ZC3H12A: variants seen among roughly 807,000 people sequenced by gnomAD.
ZC3H12A encodes the protein zinc finger CCCH-type containing 12A.
A neutral mutation model predicts 29.9 loss-of-function variants in ZC3H12A; 9 were observed. The ratio of observed to expected loss-of-function variants is 0.30; its 90% CI spans 0.18 to 0.53. ZC3H12A has a LOEUF of 0.53. Among genes scored for constraint, ZC3H12A ranks in the 20% least tolerant of loss-of-function variants. The pLI is 0.96. For synonymous variants in ZC3H12A, 323 were observed against 338.1 expected (o/e 0.96, Z 0.49); for missense variants, 617 against 799.0 (o/e 0.77, Z 2.75).
Position 37,475,783 on chromosome 1 carries a change from G to C in ZC3H12A, c.287G>C (p.Arg96Pro), listed in dbSNP as rs770500354. ...CACGGGACAGCCACCGAGCGGGAGC[G>C]CCAGACCTCACCGGACCCCTGCCCT... Reference protein sequence around the residue: ...VKHGTATERERQTSPDPCPQL... With the variant: ...VKHGTATEREPQTSPDPCPQL... Residue 96 changes from arginine (R) to proline (P), a missense_variant, in exon 2 of 6, where the codon CGC (arginine) becomes CCC (proline). Coordinates refer to ENST00000373087, the MANE Select transcript of ZC3H12A (RefSeq NM_025079.3). The surrounding 1 kb of genome is among the most constrained non-coding windows in gnomAD (Gnocchi z 5.2). 5 of 1,613,226 alleles carry C rather than the reference G, an allele frequency of 3.1e-6. No individual in the cohort carries two copies. In the South Asian group the frequency reaches 5.5e-5, roughly 18 times the overall value.
At position 37,478,953 on chromosome 1, in the gene ZC3H12A, C is replaced by T. The variant is rs1464420513; in HGVS notation, c.444-1337C>T. On this transcript the variant is annotated intron_variant, in intron 2 of 5. Transcript: ENST00000373087. The surrounding 1 kb of genome is among the most constrained non-coding windows in gnomAD (Gnocchi z 5.2). Reference sequence around the variant, plus strand: ...ATTTAGAGACCTTCAGACCCTGGTGCCCCAGTCTTGCCCCCAAATAGCCTC... The same window carrying T: ...ATTTAGAGACCTTCAGACCCTGGTGTCCCAGTCTTGCCCCCAAATAGCCTC... 1 of 985,106 alleles carries T rather than the reference C, an allele frequency of 1.0e-6. No homozygotes were observed. Among genetic ancestry groups the T allele is most frequent in the African/African-American group, 1.7e-5 (1 of 57,158 alleles). The allele number at this position is 985,106 out of a possible 1,614,324, so 61.0% of individuals were successfully genotyped here. A position where few individuals can be genotyped will look rare whatever the true frequency, so the allele number is the denominator to read the frequency against.
At chr1:37,477,308 CAG>C (rs1355899163) in intron 2 of ZC3H12A, among the ~76,000 whole-genome samples, 1 of 152,144 alleles carries the variant, frequency 6.6e-6, no homozygotes, top group Non-Finnish European at 1.5e-5. Context: ...TGTTTGTATC[CAG>C]AAGGAGGAGG....
Position 37,483,592 on chromosome 1 carries a change from C to A in ZC3H12A, c.1781C>A (p.Ser594Tyr). Residue 594 changes from serine (S) to tyrosine (Y), a missense_variant, in exon 6 of 6, where the codon TCC becomes TAC. Ser to Tyr is a moderately radical substitution (Grantham distance 144, BLOSUM62 -2). Around this residue, in one of 5 missense-constraint regions of ZC3H12A, gnomAD observed 172 missense variants for 203.1 expected, o/e 0.85. Coordinates refer to ENST00000373087, the MANE Select transcript of ZC3H12A (RefSeq NM_025079.3). ...GCTGCCGAGATCCTCTCCTACAAGT[C>A]CCAGCACCCCAGTGAGTAAGCTGCC... ...QLAAEILSYK[S>Y]QHPSE 1.2e-6 allele frequency: 2 copies of A among 1,608,278 alleles called. No homozygotes were observed. Among genetic ancestry groups the A allele is most frequent in the Non-Finnish European group, 1.7e-6 (2 of 1,177,906 alleles).
At chr1:37,482,206 A>G in intron 4 of ZC3H12A, 1 of 591,156 alleles carries the variant, frequency 1.7e-6, no homozygotes, top group Non-Finnish European at 3.0e-6. Flanking sequence ...TCAGAGAGGG[A>G]GTTCCCCTAA....
chr1:37,480,447 A>AG lies in ZC3H12A; in HGVS notation c.583+20dup. On this transcript the variant is annotated intron_variant, in intron 3 of 5. Transcript: ENST00000373087. Reference sequence around the variant, plus strand: ...CATCACAGGTGAGTGGTGCCTCTGGAGGTGGGATGGTCTTACTGCCCCAGC... The same window carrying AG: ...CATCACAGGTGAGTGGTGCCTCTGGAGGGTGGGATGGTCTTACTGCCCCAGC... 6.2e-7 allele frequency: 1 copy of AG among 1,606,450 alleles called. No individual in the cohort carries two copies. The highest frequency in any genetic ancestry group is 8.5e-7 in the Non-Finnish European group (1 of 1,175,238).
intron 5 of ZC3H12A, 56 bp downstream of exon 5, chr1:37,482,596 C>A: frequency 6.2e-7 from 1 of 1,609,300 alleles, no homozygotes; most frequent in Non-Finnish European, 8.5e-7. Flanking sequence ...TTCCTCTCAC[C>A]TGTCTGCCTG....
intron 3 of ZC3H12A, among the ~76,000 whole-genome samples, chr1:37,480,791 C>T (rs1641685694): frequency 6.6e-6 from 1 of 152,124 alleles, no homozygotes; most frequent in Non-Finnish European, 1.5e-5. Context: ...CTGGCCTGGA[C>T]AGGGACCCCT....
rs940066307 is a variant in ZC3H12A at position 37,478,346 on chromosome 1, C to A, written c.444-1944C>A. ...TTCGCCACCTGTCTCTCATAACACACTTTGTTCAAACTCAATTTTGGGAGC... is the reference window on the plus strand; with the variant it reads ...TTCGCCACCTGTCTCTCATAACACAATTTGTTCAAACTCAATTTTGGGAGC... On this transcript the variant is annotated intron_variant, in intron 2 of 5. Transcript: ENST00000373087. The surrounding 1 kb of genome is among the most constrained non-coding windows in gnomAD (Gnocchi z 5.2). 1.3e-5 allele frequency among the ~76,000 whole-genome samples: 2 copies of A among 152,212 alleles called. No homozygotes were observed. Among genetic ancestry groups the A allele is most frequent in the Non-Finnish European group, 2.9e-5 (2 of 68,032 alleles).
At position 37,476,137 on chromosome 1, in the gene ZC3H12A, G is replaced by A. The variant is rs983340183; in HGVS notation, c.443+198G>A. Among the ~76,000 whole-genome samples the A allele has an allele frequency of 6.6e-5, 10 of 152,188 alleles. No homozygotes were observed. Among genetic ancestry groups the A allele is most frequent in the Non-Finnish European group, 1.3e-4 (9 of 68,040 alleles). On this transcript the variant is annotated intron_variant, in intron 2 of 5. Coordinates refer to ENST00000373087, the MANE Select transcript of ZC3H12A (RefSeq NM_025079.3). This position sits in a 1 kb window ranked among gnomAD's most constrained non-coding sequence, Gnocchi z 6.0. Reference sequence around the variant, plus strand: ...GGTAAGTGACAGAGGCAGGGTTCCAGCCCAGGTCCCTCTGTCCGCAGAGCT... The same window carrying A: ...GGTAAGTGACAGAGGCAGGGTTCCAACCCAGGTCCCTCTGTCCGCAGAGCT...
At position 37,475,056 on chromosome 1, in the gene ZC3H12A, G is replaced by A. The variant is rs2456803; in HGVS notation, c.-38-403G>A. 1 allele frequency among the ~76,000 whole-genome samples: 152,041 copies of A among 152,338 alleles called. 75,873 individuals carry two copies. Among genetic ancestry groups the A allele is most frequent in the Middle Eastern group, 1 (294 of 294 alleles). ...AGTGCCGGACGGGTGGGCGAAAGTGGTGGCCTCAGTGGGGAAGCCTTGGGC... is the reference window on the plus strand; with the variant it reads ...AGTGCCGGACGGGTGGGCGAAAGTGATGGCCTCAGTGGGGAAGCCTTGGGC... On this transcript the variant is annotated intron_variant, in intron 1 of 5. Coordinates refer to ENST00000373087, the MANE Select transcript of ZC3H12A (RefSeq NM_025079.3). This position sits in a 1 kb window ranked among gnomAD's most constrained non-coding sequence, Gnocchi z 5.2.
At position 37,475,534 on chromosome 1, in the gene ZC3H12A, C is replaced by G. The variant is rs143022543; in HGVS notation, c.38C>G (p.Ala13Gly). Residue 13 changes from alanine (A) to glycine (G), a missense_variant, in exon 2 of 6, where the codon GCC becomes GGC. Around this residue, in one of 5 missense-constraint regions of ZC3H12A, gnomAD observed 67 missense variants for 56.2 expected, o/e 1.19. Coordinates refer to ENST00000373087, the MANE Select transcript of ZC3H12A (RefSeq NM_025079.3). This position sits in a 1 kb window ranked among gnomAD's most constrained non-coding sequence, Gnocchi z 5.2. Reference protein sequence around the residue: ...GPCGEKPVLEASPTMSLWEFE... With the variant: ...GPCGEKPVLEGSPTMSLWEFE... ...TGTGGAGAGAAGCCTGTCCTGGAAG[C>G]CAGCCCCACCATGAGTCTGTGGGAA... 1.2e-4 allele frequency: 193 copies of G among 1,612,506 alleles called. 1 individual carries two copies. The African/African-American group carries it at 2.3e-3, about 19-fold the overall frequency.
chr1:37,478,211 C>G lies in ZC3H12A; in HGVS notation c.444-2079C>G, dbSNP rs1481567626. 1.3e-5 allele frequency among the ~76,000 whole-genome samples: 2 copies of G among 152,162 alleles called. No individual in the cohort carries two copies. Among genetic ancestry groups the G allele is most frequent in the Non-Finnish European group, 2.9e-5 (2 of 68,026 alleles). ...CACTGGGCATTGTGAAGACACAGAC[C>G]AGGGACCTGACCTATTGTGGCAGGT... is the stretch of plus-strand genomic sequence containing the variant. On this transcript the variant is annotated intron_variant, in intron 2 of 5. Coordinates refer to ENST00000373087, the MANE Select transcript of ZC3H12A (RefSeq NM_025079.3). This position sits in a 1 kb window ranked among gnomAD's most constrained non-coding sequence, Gnocchi z 5.2.
chr1:37,479,502 T>C lies in ZC3H12A; in HGVS notation c.444-788T>C, dbSNP rs1641656250. ...CCATGCCTTACTCAGCTGTCCTTGC[T>C]AAGAGTCCCCTAGCATCTTCCTGAT... On this transcript the variant is annotated intron_variant, in intron 2 of 5. Transcript: ENST00000373087. This position sits in a 1 kb window ranked among gnomAD's most constrained non-coding sequence, Gnocchi z 4.5. 1.0e-6 allele frequency: 1 copy of C among 985,428 alleles called. No individual in the cohort carries two copies. Among genetic ancestry groups the C allele is most frequent in the African/African-American group, 1.7e-5 (1 of 57,370 alleles). The allele number at this position is 985,428 out of a possible 1,614,324, so 61.0% of individuals were successfully genotyped here.
In ZC3H12A at chr1:37,479,092, C is replaced by G. The variant is rs551141069; in HGVS notation, c.444-1198C>G. Reference sequence around the variant, plus strand: ...CCCACAGGATGTGGTTGGCCCTGGACTTGCCTCTTTTGCGTAACATTTATT... The same window carrying G: ...CCCACAGGATGTGGTTGGCCCTGGAGTTGCCTCTTTTGCGTAACATTTATT... On this transcript the variant is annotated intron_variant, in intron 2 of 5. Transcript: ENST00000373087. This position sits in a 1 kb window ranked among gnomAD's most constrained non-coding sequence, Gnocchi z 4.5. 17 of 985,424 alleles carry G rather than the reference C, an allele frequency of 1.7e-5. No individual in the cohort carries two copies. In the East Asian group the frequency reaches 1.7e-3, roughly 99 times the overall value. The allele number at this position is 985,424 out of a possible 1,614,324, so 61.0% of individuals were successfully genotyped here.
In ZC3H12A at chr1:37,482,350, C is replaced by A. The variant is rs78346819; in HGVS notation, c.819-84C>A. 5.7e-4 allele frequency: 690 copies of A among 1,214,346 alleles called. 5 individuals carry two copies. The African/African-American group carries it at 8.4e-3, about 15-fold the overall frequency. 75.2% of individuals were successfully genotyped at this position (1,214,346 alleles called of 1,614,324 possible). A position where few individuals can be genotyped will look rare whatever the true frequency, so the allele number is the denominator to read the frequency against. On this transcript the variant is annotated intron_variant, in intron 4 of 5. Coordinates refer to ENST00000373087, the MANE Select transcript of ZC3H12A (RefSeq NM_025079.3). ...GGTGTCACTCTCCTATTCTTCCCAG[C>A]AAGGCTTGCCATCGGCCCCTTCTCA...
rs2148042561 is a variant in ZC3H12A at position 37,478,246 on chromosome 1, C to T, written c.444-2044C>T. On this transcript the variant is annotated intron_variant, in intron 2 of 5. Transcript: ENST00000373087. The surrounding 1 kb of genome is among the most constrained non-coding windows in gnomAD (Gnocchi z 5.2). ...ACCTATTGTGGCAGGTCAGGGAAGG[C>T]TTCTCAGAGGCAGTGACATCTCACA... Among the ~76,000 whole-genome samples, 1 of 152,326 alleles carries T rather than the reference C, an allele frequency of 6.6e-6. No homozygotes were observed. The highest frequency in any genetic ancestry group is 1.5e-5 in the Non-Finnish European group (1 of 68,016).
chr1:37,483,641 C>T lies in ZC3H12A; in HGVS notation c.*30C>T, dbSNP rs574631504. 12 of 1,555,792 alleles carry T rather than the reference C, an allele frequency of 7.7e-6. No individual in the cohort carries two copies. The highest frequency in any genetic ancestry group is 2.7e-5 in the African/African-American group (2 of 73,666). ...CCTGTGGCTGGCAAGGGCAGCACCC[C>T]CAGCCTCCAAGGGCCGTCAGGCTGG... On this transcript the variant is annotated 3_prime_UTR_variant, in exon 6 of 6. Transcript: ENST00000373087.
intron 2 of ZC3H12A, among the ~76,000 whole-genome samples, chr1:37,477,969 C>G (rs1375721654): frequency 2.6e-5 from 4 of 151,472 alleles, no homozygotes; most frequent in Non-Finnish European, 5.9e-5. Context: ...TCAGTGCCCA[C>G]AGGCAGTGCA....
At position 37,475,802 on chromosome 1, in the gene ZC3H12A, C is replaced by G; in HGVS notation, c.306C>G (p.Pro102=). Residue 102 remains proline (P), a synonymous_variant, in exon 2 of 6, where the codon CCC becomes CCG. Coordinates refer to ENST00000373087, the MANE Select transcript of ZC3H12A (RefSeq NM_025079.3). The surrounding 1 kb of genome is among the most constrained non-coding windows in gnomAD (Gnocchi z 5.2). The part of the protein sequence containing the change: ...TERERQTSPD[P]CPQLPLVPRG... The stretch of plus-strand genomic sequence containing the variant: ...GGGAGCGCCAGACCTCACCGGACCC[C>G]TGCCCTCAGCTCCCTCTAGTCCCGC... 2 of 1,612,158 alleles carry G rather than the reference C, an allele frequency of 1.2e-6. No homozygotes were observed. Among genetic ancestry groups the G allele is most frequent in the Non-Finnish European group, 1.7e-6 (2 of 1,178,940 alleles).
Sources: gnomAD v4.1 joint callset for allele counts (sites outside exome capture counted in the v4.1 genomes callset) on GRCh38, gnomAD v4.1.1 for gene constraint, gnomAD v4.1.1 regional missense constraint, Gnocchi (gnomAD v3.1) non-coding constraint, MANE v1.5 for transcripts, NCBI Gene and HGNC (gene_info 2026-07-23, HGNC 2026-07-21) for gene names.